Variants in OTOGL observed in about 807,000 individuals in gnomAD.
The protein encoded by OTOGL is otogelin-like protein.
OTOGL carries 285 observed loss-of-function variants against 318.5 expected under a neutral mutation model. That is an observed-to-expected ratio of 0.89 (90% CI 0.81 to 0.99). The LOEUF is 0.99. Ranked by LOEUF, OTOGL falls within the 50% of genes least tolerant of loss-of-function variation. The pLI is 0.00. For missense variants in OTOGL, 2,899 were observed against 2,845.6 expected, an observed-to-expected ratio of 1.02 and a Z score of -0.43; for synonymous variants, 987 against 936.5, an observed-to-expected ratio of 1.05 and a Z score of -0.99.
Position 80,255,075 on chromosome 12 carries a change from A to T in OTOGL, c.1477A>T (p.Thr493Ser), listed in dbSNP as rs759427411. The T allele has an allele frequency of 1.2e-5, 18 of 1,518,992 alleles. 2 individuals carry two copies. The South Asian group carries it at 2.3e-4, about 20-fold the overall frequency. 94.1% of individuals were successfully genotyped at this position (1,518,992 alleles called of 1,614,324 possible). The part of the protein sequence containing the change: ...CSVVGDSHFT[T>S]FDGRHYSFIG... ...AGTTGTAGGTGATTCTCACTTTACA[A>T]CTTTTGATGGTCGACATTATTCTTT... Residue 493 changes from threonine (T) to serine (S), a missense_variant, in exon 16 of 59, where the codon ACT becomes TCT. Thr to Ser is a moderately conservative substitution (Grantham distance 58, BLOSUM62 1). Coordinates refer to ENST00000547103, the MANE Select transcript of OTOGL (RefSeq NM_001378609.3).
chr12:80,198,167 C>T (rs1876211051), intron 1 of OTOGL, among the ~76,000 whole-genome samples: 1 of 152,168 alleles, frequency 6.6e-6, no homozygotes, highest in Non-Finnish European at 1.5e-5. Context: ...ACTTCTCTCA[C>T]CCCCTGGAGT....
intron 1 of OTOGL, among the ~76,000 whole-genome samples, chr12:80,148,760 T>G (rs1037393083): frequency 6.6e-6 from 1 of 152,214 alleles, no homozygotes; most frequent in African/African-American, 2.4e-5. Flanking sequence ...TTTGTTTTTA[T>G]TCTGTTTTCT....
In OTOGL at chr12:80,378,989, A is replaced by G. The variant is rs937877795; in HGVS notation, c.*941A>G. ...GTCTCATTAATATTTAATTTTGAGG[A>G]TGTACTTGCATACTGTTGAAGTTGA... On this transcript the variant is annotated 3_prime_UTR_variant, in exon 59 of 59. Transcript: ENST00000547103. 1.3e-5 allele frequency: 2 copies of G among 152,390 alleles called. No individual in the cohort carries two copies. Among genetic ancestry groups the G allele is most frequent in the Admixed American group, 6.6e-5 (1 of 15,226 alleles). The allele number at this position is 152,390 out of a possible 1,614,324, so 9.4% of individuals were successfully genotyped here.
At chr12:80,225,273 C>CTT (rs1878729850) in intron 7 of OTOGL, among the ~76,000 whole-genome samples, 1 of 151,886 alleles carries the variant, frequency 6.6e-6, no homozygotes, top group Admixed American at 6.6e-5. Context: ...CTTGAATACC[C>CTT]TTTGACCTTC....
At chr12:80,219,255 G>T (rs1270155350) in intron 5 of OTOGL, among the ~76,000 whole-genome samples, 1 of 152,108 alleles carries the variant, frequency 6.6e-6, no homozygotes, top group Non-Finnish European at 1.5e-5. Context: ...GGGACTACAG[G>T]CATGCACCAC....
intron 11 of OTOGL, among the ~76,000 whole-genome samples, chr12:80,249,696 G>A (rs990546618): frequency 6.6e-6 from 1 of 152,108 alleles, no homozygotes. Flanking sequence ...GCTCCACCCA[G>A]TTCGAGCTTC....
intron 1 of OTOGL, among the ~76,000 whole-genome samples, chr12:80,183,750 A>G (rs901848001): frequency 6.6e-6 from 1 of 152,148 alleles, no homozygotes; most frequent in African/African-American, 2.4e-5. Flanking sequence ...GGGATGAATG[A>G]GGTTAGGGCT....
chr12:80,343,509 G>GGTTTTTTTTTTTTTTTTTTT lies in OTOGL; in HGVS notation c.5265+1347_5265+1348insGTTTTTTTTTTTTTTTTTTT. On this transcript the variant is annotated intron_variant, in intron 44 of 58. Coordinates refer to ENST00000547103, the MANE Select transcript of OTOGL (RefSeq NM_001378609.3). ...TACATTTTTATTATTTTTTATTCTT[G>GGTTTTTTTTTTTTTTTTTTT]TTTTTTTTTTTTTTTTTTTTTTTTT... 5.4e-3 allele frequency: 195 copies of GGTTTTTTTTTTTTTTTTTTT among 35,858 alleles called. 71 individuals carry two copies. Among genetic ancestry groups the GGTTTTTTTTTTTTTTTTTTT allele is most frequent in the East Asian group, 0.01 (9 of 888 alleles). 2.2% of individuals were successfully genotyped at this position (35,858 alleles called of 1,614,324 possible).
chr12:80,152,819 A>T (rs779231354), intron 1 of OTOGL, among the ~76,000 whole-genome samples: 53 of 152,130 alleles, frequency 3.5e-4, no homozygotes, highest in Non-Finnish European at 3.4e-4. Context: ...CTCAGCTGGG[A>T]TTACCACCCA....
chr12:80,252,439 A>T (rs1434955394), intron 13 of OTOGL, among the ~76,000 whole-genome samples: 1 of 152,194 alleles, frequency 6.6e-6, no homozygotes, highest in Non-Finnish European at 1.5e-5. Flanking sequence ...GAAGTTACCC[A>T]TGAGAAATCT....
At chr12:80,243,200 C>T (rs12299098) in intron 11 of OTOGL, among the ~76,000 whole-genome samples, 2 of 151,962 alleles carry the variant, frequency 1.3e-5, no homozygotes, top group East Asian at 3.9e-4. Context: ...CCTTAACCTA[C>T]AGAGGAAAAG....
At position 80,314,263 on chromosome 12, in the gene OTOGL, G is replaced by A. The variant is rs189795108; in HGVS notation, c.3608-42G>A. On this transcript the variant is annotated intron_variant, in intron 31 of 58. Transcript: ENST00000547103. ...CTTGCCCACATTCAGATAAGTGATT[G>A]ACTTCTTACATAGTTTAATATTTAT... 120 of 743,842 alleles carry A rather than the reference G, an allele frequency of 1.6e-4. No individual in the cohort carries two copies. In the East Asian group the frequency reaches 3.1e-3, roughly 19 times the overall value. 46.1% of individuals were successfully genotyped at this position (743,842 alleles called of 1,614,324 possible). A position where few individuals can be genotyped will look rare whatever the true frequency, so the allele number is the denominator to read the frequency against.
In OTOGL at chr12:80,147,183, T is replaced by C. The variant is rs558781531; in HGVS notation, c.-20+47578T>C. On this transcript the variant is annotated intron_variant, in intron 1 of 58. Coordinates refer to ENST00000547103, the MANE Select transcript of OTOGL (RefSeq NM_001378609.3). ...TTTGGATCTTTCCTGCTTTCTCCTG[T>C]GGGCATTTAGTGCTATAAATTTCCC... Among the ~76,000 whole-genome samples, 974 of 151,786 alleles carry C rather than the reference T, an allele frequency of 6.4e-3. 14 individuals are homozygous for C. The highest frequency in any genetic ancestry group is 0.021 in the African/African-American group (861 of 41,322).
intron 1 of OTOGL, among the ~76,000 whole-genome samples, chr12:80,111,333 C>T (rs1464877690): frequency 1.3e-5 from 2 of 152,168 alleles, no homozygotes; most frequent in Non-Finnish European, 2.9e-5. Flanking sequence ...ATGCCTGTAT[C>T]CTGAATGGTA....
chr12:80,263,937 C>T (rs1050863165), intron 19 of OTOGL, among the ~76,000 whole-genome samples: 1 of 151,940 alleles, frequency 6.6e-6, no homozygotes, highest in Non-Finnish European at 1.5e-5. Context: ...CAGTATACTG[C>T]TATAGTTTAA....
intron 1 of OTOGL, among the ~76,000 whole-genome samples, chr12:80,161,050 G>A (rs1446240321): frequency 2.0e-5 from 3 of 152,064 alleles, no homozygotes; most frequent in African/African-American, 7.2e-5. Context: ...AAAGGCATAA[G>A]AATGACATAA....
intron 7 of OTOGL, among the ~76,000 whole-genome samples, chr12:80,223,117 G>C (rs1038100441): frequency 4.0e-5 from 6 of 151,810 alleles, no homozygotes; most frequent in African/African-American, 1.5e-4. Context: ...TCCCACTTAC[G>C]AGTGAGAACA....
At chr12:80,332,892 G>A in intron 37 of OTOGL, 113 bp from the exon 38 acceptor site, 1 of 789,916 alleles carries the variant, frequency 1.3e-6, no homozygotes, top group Non-Finnish European at 2.0e-6. Context: ...ATTCTAGGAA[G>A]GAATATGTGA....
chr12:80,129,313 T>G (rs1871088988), intron 1 of OTOGL, among the ~76,000 whole-genome samples: 1 of 152,238 alleles, frequency 6.6e-6, no homozygotes, highest in Non-Finnish European at 1.5e-5. Flanking sequence ...CAACTTCTTT[T>G]AGAGAGTAGA....
Sources: allele counts gnomAD v4.1 joint callset (sites outside exome capture counted in the v4.1 genomes callset), GRCh38; gene constraint gnomAD v4.1.1; transcripts MANE v1.5; gene names NCBI Gene and HGNC (gene_info 2026-07-23, HGNC 2026-07-21).